The following PTPRO variants were observed in gnomAD, a reference collection of about 807,000 sequenced individuals.
PTPRO encodes the protein protein tyrosine phosphatase receptor type O.
A neutral mutation model predicts 145.2 loss-of-function variants in PTPRO; 62 were observed. The observed-to-expected ratio is 0.43, with a 90% CI of 0.35 to 0.53. The LOEUF is 0.53. Ranked by LOEUF, PTPRO falls within the 20% of genes least tolerant of loss-of-function variation. PTPRO has a pLI of 0.01. For synonymous variants in PTPRO, 565 were observed against 514.7 expected, an observed-to-expected ratio of 1.10 and a Z score of -1.32; for missense variants, 1,345 against 1,482.7, an observed-to-expected ratio of 0.91 and a Z score of 1.53.
Position 15,393,926 on chromosome 12 carries a change from A to G in PTPRO, c.75+71125A>G, listed in dbSNP as rs1442904178. Among the ~76,000 whole-genome samples, 3 of 152,192 alleles carry G rather than the reference A, an allele frequency of 2.0e-5. No individual in the cohort carries two copies. In the East Asian group the frequency reaches 5.8e-4, roughly 29 times the overall value. ...GGGGACTCTGCAGAGCCCAGAGGCT[A>G]TGCAGGGCATCACATGGCAAGGAGG... On this transcript the variant is annotated intron_variant, in intron 1 of 26. Coordinates refer to ENST00000281171, the MANE Select transcript of PTPRO (RefSeq NM_030667.3).
Position 15,565,604 on chromosome 12 carries a change from G to A in PTPRO, c.2723G>A (p.Gly908Asp). Residue 908 changes from glycine (G) to aspartate (D), a missense_variant, in exon 18 of 27, where the codon GGT becomes GAT. Gly to Asp is a moderately conservative substitution (Grantham distance 94, BLOSUM62 -1). Coordinates refer to ENST00000281171, the MANE Select transcript of PTPRO (RefSeq NM_030667.3). The stretch of plus-strand genomic sequence containing the variant: ...TTTTTAATTATCAGGAGTAAAAATG[G>A]TTTAAAGAAGAGGAAACTGACAAAG... Reference protein sequence around the residue: ...AFYINPWSKNGLKKRKLTNPV... With the variant: ...AFYINPWSKNDLKKRKLTNPV... 1.4e-6 allele frequency: 2 copies of A among 1,454,912 alleles called. No individual in the cohort carries two copies. Among genetic ancestry groups the A allele is most frequent in the Non-Finnish European group, 1.9e-6 (2 of 1,039,262 alleles). 90.1% of individuals were successfully genotyped at this position (1,454,912 alleles called of 1,614,324 possible).
chr12:15,503,327 G>A (rs1446705648), intron 5 of PTPRO, among the ~76,000 whole-genome samples: 1 of 152,150 alleles, frequency 6.6e-6, no homozygotes, highest in Non-Finnish European at 1.5e-5. Context: ...TGGATGGACT[G>A]TGAAGCAATG....
chr12:15,461,788 G>A (rs1242282878), intron 1 of PTPRO, among the ~76,000 whole-genome samples: 4 of 151,828 alleles, frequency 2.6e-5, no homozygotes, highest in Admixed American at 2.0e-4. Flanking sequence ...TGATGGTCTC[G>A]ACCTCCTGAC....
intron 1 of PTPRO, among the ~76,000 whole-genome samples, chr12:15,333,899 C>T (rs897209548): frequency 1.1e-4 from 16 of 152,218 alleles, no homozygotes; most frequent in Admixed American, 9.2e-4. Context: ...GAAGCAAAAG[C>T]ATAGCTTTTC....
chr12:15,521,141 C>T (rs1223712728), intron 10 of PTPRO, among the ~76,000 whole-genome samples: 3 of 151,022 alleles, frequency 2.0e-5, no homozygotes, highest in East Asian at 1.9e-4. Flanking sequence ...CCTGAGAAAA[C>T]AGAGGAGAAA....
At chr12:15,363,271 A>G (rs1938263154) in intron 1 of PTPRO, among the ~76,000 whole-genome samples, 1 of 152,174 alleles carries the variant, frequency 6.6e-6, no homozygotes, top group Non-Finnish European at 1.5e-5. Flanking sequence ...CTTTGAAACC[A>G]TCTTCTCCAG....
chr12:15,451,914 T>C (rs1941055888), intron 1 of PTPRO, among the ~76,000 whole-genome samples: 1 of 151,834 alleles, frequency 6.6e-6, no homozygotes, highest in Non-Finnish European at 1.5e-5. Flanking sequence ...AAATAGACAA[T>C]CTAAGGTCAC....
At chr12:15,478,675 AT>A (rs916144052) in intron 1 of PTPRO, among the ~76,000 whole-genome samples, 78 of 150,340 alleles carry the variant, frequency 5.2e-4, no homozygotes, top group East Asian at 1.6e-3. Flanking sequence ...TATTAAATTA[AT>A]TTTTTTTTTC....
chr12:15,585,998 A>T (rs913824272), intron 23 of PTPRO, among the ~76,000 whole-genome samples: 5 of 152,228 alleles, frequency 3.3e-5, no homozygotes, highest in Non-Finnish European at 2.9e-5. Flanking sequence ...CAACCATACA[A>T]TTGCACGGAG....
chr12:15,547,956 A>G (rs1320770721), intron 13 of PTPRO, among the ~76,000 whole-genome samples: 2 of 152,190 alleles, frequency 1.3e-5, no homozygotes, highest in African/African-American at 4.8e-5. Flanking sequence ...CCATGGGTCC[A>G]CCAAGTTAGC....
intron 19 of PTPRO, among the ~76,000 whole-genome samples, chr12:15,573,035 C>T (rs1010626618): frequency 3.3e-5 from 5 of 152,002 alleles, no homozygotes; most frequent in Non-Finnish European, 7.4e-5. Flanking sequence ...CTTTATAACC[C>T]ATGTGTATTA....
chr12:15,391,081 T>G (rs1265141184), intron 1 of PTPRO, among the ~76,000 whole-genome samples: 1 of 152,166 alleles, frequency 6.6e-6, no homozygotes, highest in East Asian at 1.9e-4. Context: ...CTAAAGTACC[T>G]TCTAAAGGCC....
At chr12:15,502,836 T>C (rs1942248909) in intron 5 of PTPRO, among the ~76,000 whole-genome samples, 1 of 152,190 alleles carries the variant, frequency 6.6e-6, no homozygotes, top group Non-Finnish European at 1.5e-5. Context: ...ATTTTCCATT[T>C]TCTGATCTAG....
At chr12:15,570,765 C>T (rs572125966) in intron 19 of PTPRO, among the ~76,000 whole-genome samples, 9 of 152,178 alleles carry the variant, frequency 5.9e-5, no homozygotes, top group African/African-American at 1.7e-4. Flanking sequence ...ATGATTCTAA[C>T]GATGATAGAA....
intron 1 of PTPRO, among the ~76,000 whole-genome samples, chr12:15,419,797 TA>T (rs1193717634): frequency 1.3e-5 from 2 of 151,550 alleles, no homozygotes; most frequent in Non-Finnish European, 2.9e-5. Context: ...TCGAGATTAC[TA>T]GATGTACATT....
At chr12:15,543,078 A>AGTTAAATG (rs1322617532) in intron 12 of PTPRO, among the ~76,000 whole-genome samples, 1 of 152,208 alleles carries the variant, frequency 6.6e-6, no homozygotes, top group Non-Finnish European at 1.5e-5. Context: ...GGGATACCAG[A>AGTTAAATG]GTTAAATTTC....
At chr12:15,538,126 G>T (rs1018078592) in intron 12 of PTPRO, among the ~76,000 whole-genome samples, 4 of 152,070 alleles carry the variant, frequency 2.6e-5, no homozygotes, top group African/African-American at 7.2e-5. Context: ...CTCTGTACCT[G>T]GGCCTGACAC....
intron 1 of PTPRO, among the ~76,000 whole-genome samples, chr12:15,409,476 G>T (rs772582851): frequency 2.0e-5 from 3 of 152,092 alleles, no homozygotes; most frequent in African/African-American, 7.2e-5. Context: ...CCCACAGGAC[G>T]TATTCTTCCA....
At chr12:15,454,720 G>A (rs561646542) in intron 1 of PTPRO, among the ~76,000 whole-genome samples, 6 of 152,194 alleles carry the variant, frequency 3.9e-5, no homozygotes, top group South Asian at 2.1e-4. Flanking sequence ...TTCATGTCTC[G>A]TGTTTAAGTC....
Sources: gnomAD v4.1 joint callset for allele counts (sites outside exome capture counted in the v4.1 genomes callset) on GRCh38, gnomAD v4.1.1 for gene constraint, MANE v1.5 for transcripts, NCBI Gene and HGNC (gene_info 2026-07-23, HGNC 2026-07-21) for gene names.